The following LRRTM4 variants were observed in gnomAD, a reference collection of about 807,000 sequenced individuals.
LRRTM4 encodes leucine-rich repeat transmembrane neuronal protein 4.
LRRTM4 carries 25 observed loss-of-function variants against 47.6 expected under a neutral mutation model. That is an observed-to-expected ratio of 0.53 (90% CI 0.38 to 0.73). LRRTM4 has a LOEUF of 0.73. Among genes scored for constraint, LRRTM4 ranks in the 30% least tolerant of loss-of-function variants. LRRTM4 has a pLI of 0.00. For missense variants in LRRTM4, 638 were observed against 713.4 expected (o/e 0.89, Z 1.20); for synonymous variants, 311 against 269.5 (o/e 1.15, Z -1.51).
At chr2:77,435,914 A>C (rs1675575570) in intron 3 of LRRTM4, among the ~76,000 whole-genome samples, 1 of 152,130 alleles carries the variant, frequency 6.6e-6, no homozygotes, top group Admixed American at 6.6e-5. Flanking sequence ...CCTAGACCAT[A>C]CTGCAAGGGA....
chr2:76,968,340 GTATATA>G (rs61103340), intron 3 of LRRTM4, among the ~76,000 whole-genome samples: 2,785 of 76,540 alleles, frequency 0.036, 57 homozygotes, highest in South Asian at 0.1. Context: ...GTGTATGTGT[GTATATA>G]TATATATATA....
rs383781 is a variant in LRRTM4, at chr2:77,360,476, T to C, written c.1551+157842A>G. Reference sequence around the variant, plus strand: ...CCATCTCAAAAAATACAATACGATATGATACGATACGATACGATACGATAC... The same window carrying C: ...CCATCTCAAAAAATACAATACGATACGATACGATACGATACGATACGATAC... On this transcript the variant is annotated intron_variant, in intron 3 of 3. Coordinates refer to ENST00000409884, the MANE Select transcript of LRRTM4 (RefSeq NM_001134745.3). 7.3e-4 allele frequency among the ~76,000 whole-genome samples: 90 copies of C among 123,282 alleles called. 1 individual carries two copies. In the South Asian group the frequency reaches 0.015, roughly 20 times the overall value. 80.9% of individuals were successfully genotyped at this position (123,282 alleles called of 152,430 possible).
At chr2:77,257,319 A>C (rs1225987467) in intron 3 of LRRTM4, among the ~76,000 whole-genome samples, 6 of 152,090 alleles carry the variant, frequency 3.9e-5, no homozygotes, top group African/African-American at 9.6e-5. Flanking sequence ...CAAAAAAAAA[A>C]CCCTCTAGAA....
intron 3 of LRRTM4, among the ~76,000 whole-genome samples, chr2:77,270,490 C>T (rs1016039665): frequency 3.3e-5 from 5 of 151,998 alleles, no homozygotes; most frequent in Admixed American, 6.6e-5. Flanking sequence ...TAGTAAAAGG[C>T]GCTATGGAAT....
At chr2:76,782,088 T>C (rs1674425715) in intron 3 of LRRTM4, among the ~76,000 whole-genome samples, 1 of 152,180 alleles carries the variant, frequency 6.6e-6, no homozygotes, top group Admixed American at 6.5e-5. Context: ...CCTCAAATTA[T>C]ATTAGAGTCC....
In LRRTM4 at chr2:77,176,984, C is replaced by A. The variant is rs571176821; in HGVS notation, c.1551+341334G>T. Among the ~76,000 whole-genome samples the A allele has an allele frequency of 3.3e-5, 5 of 152,238 alleles. No homozygotes were observed. In the South Asian group the frequency reaches 1.0e-3, roughly 32 times the overall value. Reference sequence around the variant, plus strand: ...TCCCACGGCAGCTTCCAGAAATTATCACATATGGTCTGAAAAAGGGAACAA... The same window carrying A: ...TCCCACGGCAGCTTCCAGAAATTATAACATATGGTCTGAAAAAGGGAACAA... On this transcript the variant is annotated intron_variant, in intron 3 of 3. Transcript: ENST00000409884.
intron 3 of LRRTM4, among the ~76,000 whole-genome samples, chr2:77,350,312 G>A (rs1315736808): frequency 2.0e-5 from 2 of 100,982 alleles, no homozygotes; most frequent in Admixed American, 1.7e-4. Context: ...CGGCCTGGGC[G>A]ACAGAGCAAG....
chr2:76,932,883 T>C (rs934139848), intron 3 of LRRTM4, among the ~76,000 whole-genome samples: 1 of 152,250 alleles, frequency 6.6e-6, no homozygotes, highest in South Asian at 2.1e-4. Context: ...CTGGGGTACA[T>C]ATGCAGAACA....
At chr2:77,038,195 G>T (rs1340710390) in intron 3 of LRRTM4, among the ~76,000 whole-genome samples, 2 of 151,428 alleles carry the variant, frequency 1.3e-5, no homozygotes, top group African/African-American at 4.8e-5. Context: ...CCTTACTATG[G>T]TTTTCATTTA....
At chr2:76,922,283 A>G (rs952769668) in intron 3 of LRRTM4, among the ~76,000 whole-genome samples, 2 of 152,116 alleles carry the variant, frequency 1.3e-5, no homozygotes, top group South Asian at 4.1e-4. Flanking sequence ...CTTAACAGGA[A>G]GCATTACTGA....
At chr2:76,798,393 T>A (rs999499172) in intron 3 of LRRTM4, among the ~76,000 whole-genome samples, 3 of 151,664 alleles carry the variant, frequency 2.0e-5, no homozygotes, top group Non-Finnish European at 2.9e-5. Context: ...GGATGTTCTT[T>A]GAAACCAACG....
chr2:76,756,645 A>G (rs542138048), intron 3 of LRRTM4, among the ~76,000 whole-genome samples: 33 of 152,080 alleles, frequency 2.2e-4, no homozygotes, highest in African/African-American at 7.7e-4. Context: ...TCTTTCCCCA[A>G]TGTCATAGTC....
At chr2:77,399,355 C>T (rs759294684) in intron 3 of LRRTM4, among the ~76,000 whole-genome samples, 5 of 151,712 alleles carry the variant, frequency 3.3e-5, no homozygotes, top group Non-Finnish European at 5.9e-5. Context: ...ACACTTAAAA[C>T]GTACTCTCCG....
intron 3 of LRRTM4, among the ~76,000 whole-genome samples, chr2:77,301,430 T>C (rs1401724047): frequency 6.6e-6 from 1 of 152,096 alleles, no homozygotes; most frequent in Non-Finnish European, 1.5e-5. Context: ...AGGTTTTCCA[T>C]TTGGATGGTG....
At chr2:77,023,303 G>A (rs950361139) in intron 3 of LRRTM4, among the ~76,000 whole-genome samples, 2 of 152,190 alleles carry the variant, frequency 1.3e-5, no homozygotes, top group African/African-American at 2.4e-5. Context: ...CTCTGGGTCT[G>A]TGATGGGAGA....
intron 3 of LRRTM4, among the ~76,000 whole-genome samples, chr2:76,757,699 A>G (rs528706213): frequency 1.2e-4 from 18 of 152,156 alleles, no homozygotes; most frequent in Admixed American, 5.9e-4. Context: ...CAAAATAGAG[A>G]TGATAGAATT....
intron 3 of LRRTM4, among the ~76,000 whole-genome samples, chr2:76,807,363 T>G (rs1670516611): frequency 6.8e-6 from 1 of 146,324 alleles, no homozygotes. Context: ...TCCCAGAATA[T>G]GCATTATAAA....
intron 3 of LRRTM4, among the ~76,000 whole-genome samples, chr2:76,806,147 A>T (rs895718370): frequency 7.9e-5 from 12 of 152,194 alleles, no homozygotes; most frequent in Non-Finnish European, 1.0e-4. Context: ...TCAGTTTTCA[A>T]TGAGGTTGAT....
chr2:76,981,492 T>C (rs112251492), intron 3 of LRRTM4, among the ~76,000 whole-genome samples: 5 of 152,040 alleles, frequency 3.3e-5, no homozygotes, highest in Admixed American at 2.0e-4. Flanking sequence ...GGAAATATAA[T>C]GTAAGCTTTC....
Sources: gnomAD v4.1 joint callset for allele counts (sites outside exome capture counted in the v4.1 genomes callset) on GRCh38, gnomAD v4.1.1 for gene constraint, MANE v1.5 for transcripts, NCBI Gene and HGNC (gene_info 2026-07-23, HGNC 2026-07-21) for gene names.